Variants in GMPPA observed in about 807,000 individuals in gnomAD.
GMPPA encodes GDP-mannose pyrophosphorylase A.
A neutral mutation model predicts 58.6 loss-of-function variants in GMPPA; 46 were observed. That is an observed-to-expected ratio of 0.78 (90% CI 0.62 to 1.00). GMPPA has a LOEUF of 1.00. GMPPA is among the 50% of genes least tolerant of loss of function. The pLI is 0.00. For synonymous variants in GMPPA, 211 were observed against 214.9 expected, an observed-to-expected ratio of 0.98 and a Z score of 0.16; for missense variants, 468 against 556.4, an observed-to-expected ratio of 0.84 and a Z score of 1.60.
Position 219,502,694 on chromosome 2 carries a change from C to T in GMPPA, c.489+253C>T, listed in dbSNP as rs1694443925. ...CATGATGGGAACACCAAGGGGGCCC[C>T]AACCCAGCCTTGCTGGGGTGGGAGT... On this transcript the variant is annotated intron_variant, in intron 6 of 12. Transcript: ENST00000313597. The surrounding 1 kb of genome is among the most constrained non-coding windows in gnomAD (Gnocchi z 4.0). Among the ~76,000 whole-genome samples, 1 of 152,088 alleles carries T rather than the reference C, an allele frequency of 6.6e-6. No individual in the cohort carries two copies. The highest frequency in any genetic ancestry group is 6.5e-5 in the Admixed American group (1 of 15,278).
Position 219,502,531 on chromosome 2 carries a change from G to T in GMPPA, c.489+90G>T. On this transcript the variant is annotated intron_variant, in intron 6 of 12. Transcript: ENST00000313597. This position sits in a 1 kb window ranked among gnomAD's most constrained non-coding sequence, Gnocchi z 4.0. ...TCTAGAGAATGCTGGCACAGTATGG[G>T]GTGGGCTCTAGTCTTGTCAGACAGG... 1 of 993,674 alleles carries T rather than the reference G, an allele frequency of 1.0e-6. No individual in the cohort carries two copies. Among genetic ancestry groups the T allele is most frequent in the East Asian group, 2.5e-5 (1 of 39,690 alleles). The allele number at this position is 993,674 out of a possible 1,614,324, so 61.6% of individuals were successfully genotyped here. A position where few individuals can be genotyped will look rare whatever the true frequency, so the allele number is the denominator to read the frequency against.
intron 3 of GMPPA, chr2:219,501,181 T>C: frequency 2.9e-6 from 1 of 341,760 alleles, no homozygotes. Flanking sequence ...GAGGATCGCT[T>C]GAGCCCAGGA....
At chr2:219,505,040 TG>T (rs1349175549) in intron 7 of GMPPA, 187 bp from the exon 8 acceptor site, 2 of 816,530 alleles carry the variant, frequency 2.4e-6, no homozygotes, top group Admixed American at 3.0e-5. Context: ...CCCACCCAAG[TG>T]GGGGCTGGGT....
rs1694578146 is a variant in GMPPA, at chr2:219,506,057, T to G, written c.978T>G (p.His326Gln). ...GVRLRESIVL[H>Q]GATLQEHTCV... is the part of the protein sequence containing the mutation. ...GGCTCCGGGAGAGCATCGTCCTCCA[T>G]GGAGCCACTTTGCAGGTAGGTACCA... The change falls in exon 11 of 13, where the codon CAT becomes CAG. Residue 326 changes from histidine (H) to glutamine (Q), a missense_variant. Transcript: ENST00000313597. 5.0e-6 allele frequency: 8 copies of G among 1,587,086 alleles called. No homozygotes were observed. The highest frequency in any genetic ancestry group is 6.0e-6 in the Non-Finnish European group (7 of 1,162,008).
rs1430916939 is a variant in GMPPA at position 219,501,538 on chromosome 2, G to T, written c.201G>T (p.Gln67His). The change falls in exon 4 of 13, where the codon CAG becomes CAT. Residue 67 changes from glutamine to histidine, a missense_variant. Coordinates refer to ENST00000313597, the MANE Select transcript of GMPPA (RefSeq NM_013335.4). ...GFYQPDEPLT[Q>H]FLEAAQQEFN... ...ACCAACCTGATGAGCCCCTCACCCA[G>T]TTCCTAGAAGCCGCCCAGCAGGAGT... is the stretch of plus-strand genomic sequence containing the variant. 21 of 1,613,032 alleles carry T rather than the reference G, an allele frequency of 1.3e-5. No individual in the cohort carries two copies. In the African/African-American group the frequency reaches 2.4e-4, roughly 18 times the overall value.
rs776028863 is a variant in GMPPA at position 219,504,190 on chromosome 2, G to C, written c.597G>C (p.Gln199His). The change falls in exon 7 of 13, where the codon CAG becomes CAC. Residue 199 changes from glutamine (Q) to histidine (H), a missense_variant. Coordinates refer to ENST00000313597, the MANE Select transcript of GMPPA (RefSeq NM_013335.4). ...TGAAGCCTCTTCGGGATGTCTTCCA[G>C]CGTAATCAGCAGGATGGGCAATTGT... ...EALKPLRDVF[Q>H]RNQQDGQLED... 33 of 1,613,982 alleles carry C rather than the reference G, an allele frequency of 2.0e-5. No individual in the cohort carries two copies. The highest frequency in any genetic ancestry group is 2.8e-5 in the Non-Finnish European group (33 of 1,180,004).
At position 219,502,492 on chromosome 2, in the gene GMPPA, CT is replaced by C. The variant is rs1310033146; in HGVS notation, c.489+52del. The C allele has an allele frequency of 2.1e-6, 3 of 1,441,626 alleles. No individual in the cohort carries two copies. In the African/African-American group the frequency reaches 4.2e-5, roughly 20 times the overall value. The allele number at this position is 1,441,626 out of a possible 1,614,324, so 89.3% of individuals were successfully genotyped here. ...GGTGCCTACTCTGTGTCATCATCCC[CT>C]CTACCTCAGGCCTCTAGAGAATGCT... On this transcript the variant is annotated intron_variant, in intron 6 of 12. Transcript: ENST00000313597. The surrounding 1 kb of genome is among the most constrained non-coding windows in gnomAD (Gnocchi z 4.0).
At chr2:219,503,155 CAG>C (rs1262993740) in intron 6 of GMPPA, among the ~76,000 whole-genome samples, 1 of 148,424 alleles carries the variant, frequency 6.7e-6, no homozygotes, top group Non-Finnish European at 1.5e-5. Context: ...TTTTTTGAGA[CAG>C]AGTCTCACTC....
chr2:219,499,888 G>A lies in GMPPA; in HGVS notation c.-20-68G>A. On this transcript the variant is annotated intron_variant, in intron 1 of 12. Coordinates refer to ENST00000313597, the MANE Select transcript of GMPPA (RefSeq NM_013335.4). ...ACATCTTGGGAGAGGGCTAAGTGTT[G>A]CTATTTGGGTTTTGGGGCTTGGTTG... 4.3e-6 allele frequency: 5 copies of A among 1,175,310 alleles called. No individual in the cohort carries two copies. In the South Asian group the frequency reaches 6.1e-5, roughly 14 times the overall value. The allele number at this position is 1,175,310 out of a possible 1,614,324, so 72.8% of individuals were successfully genotyped here.
At chr2:219,501,424 A>G (rs1024479655) in intron 3 of GMPPA, 52 bp from the exon 4 acceptor site, 9 of 1,118,886 alleles carry the variant, frequency 8.0e-6, no homozygotes, top group Admixed American at 1.7e-5. Context: ...GATTTCCCCA[A>G]CATCCCCTCC....
Position 219,502,367 on chromosome 2 carries a change from G to A in GMPPA, c.430-15G>A. On this transcript the variant is annotated splice_polypyrimidine_tract_variant and intron_variant, in intron 5 of 12. Coordinates refer to ENST00000313597, the MANE Select transcript of GMPPA (RefSeq NM_013335.4). This position sits in a 1 kb window ranked among gnomAD's most constrained non-coding sequence, Gnocchi z 4.0. ...GAGCAGGCGGGTCACTGTCTCGGGTGTGTCTGTCTTTCAGGCTAACAGGAC... is the reference window on the plus strand; with the variant it reads ...GAGCAGGCGGGTCACTGTCTCGGGTATGTCTGTCTTTCAGGCTAACAGGAC... The A allele has an allele frequency of 6.2e-7, 1 of 1,612,624 alleles. No individual in the cohort carries two copies. Among genetic ancestry groups the A allele is most frequent in the Non-Finnish European group, 8.5e-7 (1 of 1,178,722 alleles).
In GMPPA at chr2:219,502,241, G is replaced by A. The variant is rs1207863338; in HGVS notation, c.430-141G>A. 45 of 856,238 alleles carry A rather than the reference G, an allele frequency of 5.3e-5. No individual in the cohort carries two copies. Among genetic ancestry groups the A allele is most frequent in the Non-Finnish European group, 6.7e-5 (35 of 524,188 alleles). The allele number at this position is 856,238 out of a possible 1,614,324, so 53.0% of individuals were successfully genotyped here. ...TTCAGAAGTAGGGAGGGGGAGGGCAGCTGTCAGTTTCCACCCTTGCTGAAG... is the reference window on the plus strand; with the variant it reads ...TTCAGAAGTAGGGAGGGGGAGGGCAACTGTCAGTTTCCACCCTTGCTGAAG... On this transcript the variant is annotated intron_variant, in intron 5 of 12. Transcript: ENST00000313597. This position sits in a 1 kb window ranked among gnomAD's most constrained non-coding sequence, Gnocchi z 4.0.
In GMPPA at chr2:219,506,350, G is replaced by A. The variant is rs1323644316; in HGVS notation, c.1090G>A (p.Asp364Asn). ...TACCCCCAGTGACCCTAACCCCAAC[G>A]ATCCCCGAGCCCGCATGGACAGTGA... is the stretch of plus-strand genomic sequence containing the variant. Reference protein sequence around the residue: ...EGTPSDPNPNDPRARMDSESL... With the variant: ...EGTPSDPNPNNPRARMDSESL... Residue 364 changes from aspartate (D) to asparagine (N), a missense_variant, in exon 12 of 13, where the codon GAT becomes AAT. Transcript: ENST00000313597. 5 of 1,613,868 alleles carry A rather than the reference G, an allele frequency of 3.1e-6. No homozygotes were observed. Among genetic ancestry groups the A allele is most frequent in the East Asian group, 2.2e-5 (1 of 44,872 alleles).
chr2:219,500,619 G>C (rs897881480), intron 3 of GMPPA: 1 of 242,280 alleles, frequency 4.1e-6, no homozygotes, highest in Non-Finnish European at 8.2e-6. Context: ...TTCAGTCTCT[G>C]CCTGCTGTGA....
chr2:219,504,024 C>T, intron 6 of GMPPA, 59 bp from the exon 7 acceptor site: 1 of 1,599,858 alleles, frequency 6.3e-7, no homozygotes, highest in South Asian at 1.1e-5. Flanking sequence ...ATCAGAGGGT[C>T]TTAGGGGACT....
chr2:219,506,125 G>A (rs1483841302), intron 11 of GMPPA, 53 bp downstream of exon 11: 2 of 1,463,566 alleles, frequency 1.4e-6, no homozygotes. Flanking sequence ...CTGCGGGGAG[G>A]GCCCAGGCAT....
intron 7 of GMPPA, chr2:219,504,771 C>CTCTCTG (rs1694518426): frequency 2.7e-6 from 2 of 732,140 alleles, no homozygotes; most frequent in Non-Finnish European, 3.4e-6. Flanking sequence ...CTCTCCTGGC[C>CTCTCTG]TCTCTGTCTC....
In GMPPA at chr2:219,502,389, G is replaced by T. The variant is rs1423568289; in HGVS notation, c.437G>T (p.Arg146Met). The change falls in exon 6 of 13, where the codon AGG becomes ATG. Residue 146 changes from arginine (R) to methionine (M), a missense_variant. Transcript: ENST00000313597. This position sits in a 1 kb window ranked among gnomAD's most constrained non-coding sequence, Gnocchi z 4.0. Reference protein sequence around the residue: ...PFLLLGTTANRTQSLNYGCIV... With the variant: ...PFLLLGTTANMTQSLNYGCIV... ...GGTGTGTCTGTCTTTCAGGCTAACA[G>T]GACGCAATCCCTCAACTACGGCTGC... 3 of 1,613,956 alleles carry T rather than the reference G, an allele frequency of 1.9e-6. No individual in the cohort carries two copies. In the East Asian group the frequency reaches 6.7e-5, roughly 36 times the overall value.
chr2:219,505,518 G>T lies in GMPPA; in HGVS notation c.816G>T (p.Arg272=). 1 of 1,572,750 alleles carries T rather than the reference G, an allele frequency of 6.4e-7. No individual in the cohort carries two copies. Among genetic ancestry groups the T allele is most frequent in the Non-Finnish European group, 8.6e-7 (1 of 1,158,934 alleles). The change falls in exon 9 of 13, where the codon CGG becomes CGT. Residue 272 remains arginine (R), a synonymous_variant. Transcript: ENST00000313597. The part of the protein sequence containing the change: ...LSRYQDTHPE[R]LAKHTPGGPW... Reference sequence around the variant, plus strand: ...GATACCAGGACACTCACCCAGAACGGCTGGCCAAGCACACCCCAGGGGGCC... The same window carrying T: ...GATACCAGGACACTCACCCAGAACGTCTGGCCAAGCACACCCCAGGGGGCC...
Sources: allele counts gnomAD v4.1 joint callset (sites outside exome capture counted in the v4.1 genomes callset), GRCh38; gene constraint gnomAD v4.1.1; non-coding constraint Gnocchi (gnomAD v3.1); transcripts MANE v1.5; gene names NCBI Gene and HGNC (gene_info 2026-07-23, HGNC 2026-07-21).